BTBD9: variants seen among roughly 807,000 people sequenced by gnomAD.
The protein encoded by BTBD9 is BTB/POZ domain-containing protein 9.
Under a neutral mutation model 64.3 loss-of-function variants are expected in BTBD9, and 49 were observed. The observed-to-expected ratio is 0.76, with a 90% confidence interval of 0.61 to 0.97. The LOEUF is 0.97. Among genes scored for constraint, BTBD9 ranks in the 50% least tolerant of loss-of-function variants. The probability of loss-of-function intolerance (pLI) is 0.00; values close to 1 mark genes in which losing one functional copy is unlikely to be tolerated. For synonymous variants in BTBD9, 260 were observed against 274.7 expected (o/e 0.95, Z 0.53); for missense variants, 598 against 762.1 (o/e 0.78, Z 2.53).
chr6:38,215,743 G>A (rs967972736), intron 9 of BTBD9, among the ~76,000 whole-genome samples: 1 of 152,198 alleles, frequency 6.6e-6, no homozygotes, highest in African/African-American at 2.4e-5. Flanking sequence ...CCCTGGAGGG[G>A]TGTGGGGCAG....
At chr6:38,341,672 C>T (rs2127588048) in intron 7 of BTBD9, among the ~76,000 whole-genome samples, 1 of 152,314 alleles carries the variant, frequency 6.6e-6, no homozygotes, top group African/African-American at 2.4e-5. Flanking sequence ...TATGAAATAG[C>T]AGTCACATCT....
At chr6:38,499,645 A>G (rs1772107053) in intron 6 of BTBD9, among the ~76,000 whole-genome samples, 1 of 152,256 alleles carries the variant, frequency 6.6e-6, no homozygotes, top group Non-Finnish European at 1.5e-5. Flanking sequence ...ACACTTCACA[A>G]ACAGTAATGA....
chr6:38,412,758 C>G (rs1363971453), intron 6 of BTBD9, among the ~76,000 whole-genome samples: 1 of 152,054 alleles, frequency 6.6e-6, no homozygotes, highest in African/African-American at 2.4e-5. Flanking sequence ...ATTCAGGAGG[C>G]TGAGGCTGGA....
chr6:38,207,212 G>A (rs944864887), intron 9 of BTBD9: 8 of 195,144 alleles, frequency 4.1e-5, no homozygotes, highest in Non-Finnish European at 8.9e-5. Context: ...TGGGGGATGG[G>A]GAGAGGGAGG....
At chr6:38,487,568 C>T (rs781224213) in intron 6 of BTBD9, among the ~76,000 whole-genome samples, 15 of 105,974 alleles carry the variant, frequency 1.4e-4, no homozygotes, top group Non-Finnish European at 2.0e-4. Flanking sequence ...GGTGACAGAG[C>T]GAGAGAGACA....
At chr6:38,544,229 A>C (rs1203402315) in intron 6 of BTBD9, among the ~76,000 whole-genome samples, 1 of 152,232 alleles carries the variant, frequency 6.6e-6, no homozygotes, top group Non-Finnish European at 1.5e-5. Context: ...TTAAGTATAC[A>C]GGAGGATATG....
intron 6 of BTBD9, among the ~76,000 whole-genome samples, chr6:38,373,448 CTT>C (rs1446389711): frequency 2.0e-5 from 3 of 152,168 alleles, no homozygotes; most frequent in Admixed American, 6.5e-5. Context: ...TTGAAAGAAA[CTT>C]AATGTGACAG....
intron 6 of BTBD9, among the ~76,000 whole-genome samples, chr6:38,475,895 G>A (rs566018184): frequency 6.6e-6 from 1 of 152,100 alleles, no homozygotes; most frequent in Non-Finnish European, 1.5e-5. Context: ...GAGAATCTGA[G>A]CCAGGCCTGG....
chr6:38,497,259 C>T (rs1771998795), intron 6 of BTBD9, among the ~76,000 whole-genome samples: 1 of 151,910 alleles, frequency 6.6e-6, no homozygotes, highest in Non-Finnish European at 1.5e-5. Flanking sequence ...AAAATGCACA[C>T]AGGGAGGGGA....
rs924155491 is a variant in BTBD9, at chr6:38,184,938, C to T, written c.1641+7581G>A. Reference sequence around the variant, plus strand: ...CCCTGAGCCGAGTGGTCCTGGAGGGCAGCTCAAGTAGCCACTTGCAGACTT... The same window carrying T: ...CCCTGAGCCGAGTGGTCCTGGAGGGTAGCTCAAGTAGCCACTTGCAGACTT... On this transcript the variant is annotated intron_variant, in intron 10 of 10. Coordinates refer to ENST00000481247, the MANE Select transcript of BTBD9 (RefSeq NM_001099272.2). This position sits in a 1 kb window ranked among gnomAD's most constrained non-coding sequence, Gnocchi z 4.4. Among the ~76,000 whole-genome samples the T allele has an allele frequency of 5.3e-5, 8 of 152,144 alleles. No individual in the cohort carries two copies. Among genetic ancestry groups the T allele is most frequent in the African/African-American group, 1.9e-4 (8 of 41,436 alleles).
intron 8 of BTBD9, among the ~76,000 whole-genome samples, chr6:38,280,322 T>C (rs1250252106): frequency 6.6e-6 from 1 of 152,182 alleles, no homozygotes; most frequent in African/African-American, 2.4e-5. Context: ...CTGAGGGTGA[T>C]AAAAGAAGAC....
At chr6:38,252,575 T>C (rs1224711486) in intron 9 of BTBD9, among the ~76,000 whole-genome samples, 1 of 152,194 alleles carries the variant, frequency 6.6e-6, no homozygotes, top group Non-Finnish European at 1.5e-5. Context: ...TATTAATTTG[T>C]AAAACAATGC....
intron 7 of BTBD9, among the ~76,000 whole-genome samples, chr6:38,334,669 CAAA>C (rs1763824671): frequency 6.7e-6 from 1 of 149,880 alleles, no homozygotes. Flanking sequence ...CAAAACAAAA[CAAA>C]ACAAAACAAA....
At chr6:38,321,905 T>C (rs1763249638) in intron 7 of BTBD9, among the ~76,000 whole-genome samples, 1 of 151,704 alleles carries the variant, frequency 6.6e-6, no homozygotes, top group African/African-American at 2.4e-5. Flanking sequence ...TTCAAAGCAG[T>C]CACTGTCAAT....
At chr6:38,395,760 A>AGT (rs1253260056) in intron 6 of BTBD9, among the ~76,000 whole-genome samples, 1 of 150,728 alleles carries the variant, frequency 6.6e-6, no homozygotes, top group Non-Finnish European at 1.5e-5. Context: ...CCCAGGCTGG[A>AGT]GTGCAGCGGT....
intron 9 of BTBD9, among the ~76,000 whole-genome samples, chr6:38,211,196 G>A (rs1054561715): frequency 2.0e-5 from 3 of 152,190 alleles, no homozygotes; most frequent in Admixed American, 6.5e-5. Context: ...TTGGGAGGCC[G>A]AGGCGGGTGG....
At chr6:38,537,575 C>G in intron 6 of BTBD9, among the ~76,000 whole-genome samples, 1 of 152,080 alleles carries the variant, frequency 6.6e-6, no homozygotes, top group East Asian at 1.9e-4. Context: ...TACTTATTTT[C>G]GAGAGGTGAG....
chr6:38,345,128 T>C (rs1764230472), intron 6 of BTBD9, 35 bp from the exon 7 acceptor site: 8 of 1,411,582 alleles, frequency 5.7e-6, no homozygotes, highest in Non-Finnish European at 7.9e-6. Flanking sequence ...GTGTTGAAAA[T>C]GAGCTCCCAC....
chr6:38,625,826 G>A (rs1030989409), intron 1 of BTBD9, among the ~76,000 whole-genome samples: 10 of 152,170 alleles, frequency 6.6e-5, no homozygotes, highest in African/African-American at 2.4e-4. Context: ...TGCCCCTAAA[G>A]GGTAACTATG....
Sources: allele counts gnomAD v4.1 joint callset (sites outside exome capture counted in the v4.1 genomes callset), GRCh38; gene constraint gnomAD v4.1.1; non-coding constraint Gnocchi (gnomAD v3.1); transcripts MANE v1.5; gene names NCBI Gene and HGNC (gene_info 2026-07-23, HGNC 2026-07-21).